The following MCHR1 variants were observed in gnomAD, a reference collection of about 807,000 sequenced individuals.
MCHR1 encodes the protein melanin-concentrating hormone receptor 1.
MCHR1 carries 13 observed loss-of-function variants against 20.4 expected under a neutral mutation model. That is an observed-to-expected ratio of 0.64 (90% CI 0.41 to 1.01). The LOEUF (loss-of-function observed/expected upper bound fraction) is 1.01, where lower values mean the gene tolerates loss of function less well. Ranked by LOEUF, MCHR1 falls within the 50% of genes least tolerant of loss-of-function variation. The pLI is 0.00. For missense variants in MCHR1, 472 were observed against 477.0 expected (o/e 0.99, Z 0.10); for synonymous variants, 215 against 204.4 (o/e 1.05, Z -0.44).
At position 40,681,623 on chromosome 22, in the gene MCHR1, A is replaced by T; in HGVS notation, c.757A>T (p.Arg253Trp). Residue 253 changes from arginine to tryptophan, a missense_variant, in exon 2 of 2, where the codon AGG becomes TGG. Coordinates refer to ENST00000249016, the MANE Select transcript of MCHR1 (RefSeq NM_005297.4). This position sits in a 1 kb window ranked among gnomAD's most constrained non-coding sequence, Gnocchi z 4.3. ...GCGCAGCATCCGGCTGCGGACAAAG[A>T]GGGTGACCCGCACAGCCATCGCCAT... ...SQRSIRLRTK[R>W]VTRTAIAICL... is the part of the protein sequence containing the mutation. The T allele has an allele frequency of 6.2e-7, 1 of 1,614,228 alleles. No homozygotes were observed. Among genetic ancestry groups the T allele is most frequent in the South Asian group, 1.1e-5 (1 of 91,092 alleles).
At chr22:40,679,929 G>A (rs998402373) in intron 1 of MCHR1, among the ~76,000 whole-genome samples, 195 bp downstream of exon 1, 14 of 152,076 alleles carry the variant, frequency 9.2e-5, no homozygotes, top group African/African-American at 2.4e-4. Flanking sequence ...AGCAGGGGGC[G>A]AAGGCATATT....
In MCHR1 at chr22:40,682,058, A is replaced by G. The variant is rs200309000; in HGVS notation, c.*130A>G. 1 of 1,194,724 alleles carries G rather than the reference A, an allele frequency of 8.4e-7. No individual in the cohort carries two copies. Among genetic ancestry groups the G allele is most frequent in the Non-Finnish European group, 1.2e-6 (1 of 839,628 alleles). The allele number at this position is 1,194,724 out of a possible 1,614,324, so 74.0% of individuals were successfully genotyped here. A position where few individuals can be genotyped will look rare whatever the true frequency, so the allele number is the denominator to read the frequency against. ...CGGGTTGTGAGGGGTTGTTGCAATGAAATAAATACATTCCATGGGGCTCAC... is the reference window on the plus strand; with the variant it reads ...CGGGTTGTGAGGGGTTGTTGCAATGGAATAAATACATTCCATGGGGCTCAC... On this transcript the variant is annotated 3_prime_UTR_variant, in exon 2 of 2. Transcript: ENST00000249016.
Position 40,682,628 on chromosome 22 carries a change from G to A in MCHR1, c.*700G>A, listed in dbSNP as rs1313106744. 1 of 154,922 alleles carries A rather than the reference G, an allele frequency of 6.5e-6. No individual in the cohort carries two copies. The highest frequency in any genetic ancestry group is 2.4e-5 in the African/African-American group (1 of 41,304). The allele number at this position is 154,922 out of a possible 1,614,324, so 9.6% of individuals were successfully genotyped here. On this transcript the variant is annotated 3_prime_UTR_variant, in exon 2 of 2. Transcript: ENST00000249016. Reference sequence around the variant, plus strand: ...TAAAACTAATAAAAGCTGGGGTCGGGGGGCTTTTGCAGCTCTGGTGACATT... The same window carrying A: ...TAAAACTAATAAAAGCTGGGGTCGGAGGGCTTTTGCAGCTCTGGTGACATT...
chr22:40,679,820 T>C, intron 1 of MCHR1, 86 bp downstream of exon 1: 2 of 1,425,208 alleles, frequency 1.4e-6, no homozygotes, highest in Non-Finnish European at 2.0e-6. Flanking sequence ...CTTGGGAAAC[T>C]TTATCACAGT....
intron 1 of MCHR1, among the ~76,000 whole-genome samples, chr22:40,680,425 G>T (rs1388836881): frequency 3.3e-5 from 5 of 152,158 alleles, no homozygotes; most frequent in African/African-American, 4.8e-5. Context: ...GAAGCCTGGG[G>T]TAGGGAGAGC....
rs965927607 is a variant in MCHR1 at position 40,682,465 on chromosome 22, C to T, written c.*537C>T. The T allele has an allele frequency of 4.0e-5, 7 of 175,876 alleles. No individual in the cohort carries two copies. The highest frequency in any genetic ancestry group is 1.7e-4 in the African/African-American group (7 of 42,220). The allele number at this position is 175,876 out of a possible 1,614,324, so 10.9% of individuals were successfully genotyped here. On this transcript the variant is annotated 3_prime_UTR_variant, in exon 2 of 2. Transcript: ENST00000249016. ...ATCTCTCGGCGTTCCAGCATCCTGT[C>T]AATTTCCCTTTTGCTCTAGAGGATG... is the stretch of plus-strand genomic sequence containing the variant.
rs979674247 is a variant in MCHR1, at chr22:40,681,226, G to C, written c.360G>C (p.Thr120=). 3.1e-6 allele frequency: 5 copies of C among 1,613,912 alleles called. No individual in the cohort carries two copies. The highest frequency in any genetic ancestry group is 4.2e-6 in the Non-Finnish European group (5 of 1,180,018). ...HFGETMCTLI[T]AMDANSQFTS... ...GGGAGACCATGTGCACCCTCATCACGGCCATGGATGCCAATAGTCAGTTCA... is the reference window on the plus strand; with the variant it reads ...GGGAGACCATGTGCACCCTCATCACCGCCATGGATGCCAATAGTCAGTTCA... Residue 120 remains threonine, a synonymous_variant, in exon 2 of 2, where the codon ACG becomes ACC. Transcript: ENST00000249016. This position sits in a 1 kb window ranked among gnomAD's most constrained non-coding sequence, Gnocchi z 4.3.
In MCHR1 at chr22:40,681,483, ACTGGTTCACC is replaced by A; in HGVS notation, c.621_630del (p.Trp207CysfsTer20). The A allele has an allele frequency of 6.2e-7, 1 of 1,612,746 alleles. No individual in the cohort carries two copies. Among genetic ancestry groups the A allele is most frequent in the South Asian group, 1.1e-5 (1 of 91,084 alleles). On this transcript the variant is annotated frameshift_variant, in exon 2 of 2. Coordinates refer to ENST00000249016, the MANE Select transcript of MCHR1 (RefSeq NM_005297.4). LOFTEE classifies it high-confidence loss of function. This position sits in a 1 kb window ranked among gnomAD's most constrained non-coding sequence, Gnocchi z 4.3. ...CTGCCCAACCCAGACACTGACCTCT[ACTGGTTCACC>A]CTGTACCAGTTTTTCCTGGCCTTTG...
Position 40,682,035 on chromosome 22 carries a change from G to A in MCHR1, c.*107G>A, listed in dbSNP as rs200201207. ...CCGCTCGGGAAATGCAGGAAGGCCGGGTTGTGAGGGGTTGTTGCAATGAAA... is the reference window on the plus strand; with the variant it reads ...CCGCTCGGGAAATGCAGGAAGGCCGAGTTGTGAGGGGTTGTTGCAATGAAA... On this transcript the variant is annotated 3_prime_UTR_variant, in exon 2 of 2. Transcript: ENST00000249016. 7 of 1,368,604 alleles carry A rather than the reference G, an allele frequency of 5.1e-6. No homozygotes were observed. Among genetic ancestry groups the A allele is most frequent in the Non-Finnish European group, 7.1e-6 (7 of 989,340 alleles). 84.8% of individuals were successfully genotyped at this position (1,368,604 alleles called of 1,614,324 possible).
chr22:40,680,460 G>A (rs1487373795), intron 1 of MCHR1, among the ~76,000 whole-genome samples: 2 of 151,986 alleles, frequency 1.3e-5, no homozygotes, highest in Admixed American at 6.6e-5. Flanking sequence ...GGGCACAGCC[G>A]GCAAAAGCCT....
rs766482190 is a variant in MCHR1, at chr22:40,681,548, TACGTG to T, written c.684_688del (p.Tyr228Ter). ...GCCTTTTGTGGTCATCACAGCCGCATACGTGAGGATCCTGCAGCGCATGACGTCCT... is the reference window on the plus strand; with the variant it reads ...GCCTTTTGTGGTCATCACAGCCGCATAGGATCCTGCAGCGCATGACGTCCT... On this transcript the variant is annotated frameshift_variant, in exon 2 of 2. Transcript: ENST00000249016. LOFTEE classifies it high-confidence loss of function. The surrounding 1 kb of genome is among the most constrained non-coding windows in gnomAD (Gnocchi z 4.3). The T allele has an allele frequency of 6.2e-7, 1 of 1,613,210 alleles. No homozygotes were observed. The highest frequency in any genetic ancestry group is 2.2e-5 in the East Asian group (1 of 44,888).
chr22:40,681,246 A>C lies in MCHR1; in HGVS notation c.380A>C (p.Gln127Pro). 1 of 1,614,118 alleles carries C rather than the reference A, an allele frequency of 6.2e-7. No homozygotes were observed. Among genetic ancestry groups the C allele is most frequent in the Non-Finnish European group, 8.5e-7 (1 of 1,180,042 alleles). ...ATCACGGCCATGGATGCCAATAGTC[A>C]GTTCACCAGCACCTACATCCTGACC... ...TLITAMDANS[Q>P]FTSTYILTAM... The change falls in exon 2 of 2, where the codon CAG becomes CCG. Residue 127 changes from glutamine (Q) to proline (P), a missense_variant. Physicochemically the swap from Gln to Pro is moderately conservative, Grantham distance 76. Transcript: ENST00000249016. This position sits in a 1 kb window ranked among gnomAD's most constrained non-coding sequence, Gnocchi z 4.3.
chr22:40,682,517 T>G lies in MCHR1; in HGVS notation c.*589T>G, dbSNP rs2147492506. ...ATGTTTATTTGAGGGGATGTGGCACTGAGCCCACAGGAGTAAAAGCCCAGT... is the reference window on the plus strand; with the variant it reads ...ATGTTTATTTGAGGGGATGTGGCACGGAGCCCACAGGAGTAAAAGCCCAGT... On this transcript the variant is annotated 3_prime_UTR_variant, in exon 2 of 2. Transcript: ENST00000249016. The G allele has an allele frequency of 6.2e-6, 1 of 161,936 alleles. No homozygotes were observed. Among genetic ancestry groups the G allele is most frequent in the East Asian group, 1.7e-4 (1 of 5,890 alleles). The allele number at this position is 161,936 out of a possible 1,614,324, so 10.0% of individuals were successfully genotyped here.
At position 40,681,931 on chromosome 22, in the gene MCHR1, C is replaced by T. The variant is rs201517100; in HGVS notation, c.*3C>T. The T allele has an allele frequency of 1.4e-4, 217 of 1,603,870 alleles. No homozygotes were observed. Among genetic ancestry groups the T allele is most frequent in the Non-Finnish European group, 1.7e-4 (203 of 1,180,000 alleles). Reference sequence around the variant, plus strand: ...GGACAGAAAGCAAAGGCACCTGATACTTCCCCTGCCACCCTGCACACCTCC... The same window carrying T: ...GGACAGAAAGCAAAGGCACCTGATATTTCCCCTGCCACCCTGCACACCTCC... On this transcript the variant is annotated 3_prime_UTR_variant, in exon 2 of 2. Transcript: ENST00000249016. The surrounding 1 kb of genome is among the most constrained non-coding windows in gnomAD (Gnocchi z 4.3).
chr22:40,681,779 T>C lies in MCHR1; in HGVS notation c.913T>C (p.Cys305Arg), dbSNP rs1260545487. The C allele has an allele frequency of 6.2e-7, 1 of 1,614,146 alleles. No individual in the cohort carries two copies. The highest frequency in any genetic ancestry group is 1.3e-5 in the African/African-American group (1 of 74,962). Residue 305 changes from cysteine (C) to arginine (R), a missense_variant, in exon 2 of 2, where the codon TGC (cysteine) becomes CGC (arginine). Transcript: ENST00000249016. The surrounding 1 kb of genome is among the most constrained non-coding windows in gnomAD (Gnocchi z 4.3). ...AAISLGYANS[C>R]LNPFVYIVLC... ...CATCAGCTTGGGCTATGCCAACAGC[T>C]GCCTCAACCCCTTTGTGTACATCGT...
chr22:40,680,947 A>C lies in MCHR1; in HGVS notation c.83-2A>C. ...GCCAACGCTTGCTCCTTCTGTCCCCAGGATCACCTCCTCGCACGGGGAGCA... is the reference window on the plus strand; with the variant it reads ...GCCAACGCTTGCTCCTTCTGTCCCCCGGATCACCTCCTCGCACGGGGAGCA... On this transcript the variant is annotated splice_acceptor_variant, in intron 1 of 1. Transcript: ENST00000249016. LOFTEE classifies it high-confidence loss of function. 1 of 1,613,904 alleles carries C rather than the reference A, an allele frequency of 6.2e-7. No homozygotes were observed. The highest frequency in any genetic ancestry group is 8.5e-7 in the Non-Finnish European group (1 of 1,180,024).
At chr22:40,680,036 A>C in intron 1 of MCHR1, 1 of 477,524 alleles carries the variant, frequency 2.1e-6, no homozygotes, top group African/African-American at 2.0e-5. Flanking sequence ...CAGGCTGGAA[A>C]AGCAAGCGAG....
chr22:40,679,964 G>C (rs1007246102), intron 1 of MCHR1: 4 of 603,264 alleles, frequency 6.6e-6, no homozygotes, highest in African/African-American at 1.8e-5. Context: ...AGGGGGGCCA[G>C]CCGTGAGACA....
In MCHR1 at chr22:40,681,661, C is replaced by G; in HGVS notation, c.795C>G (p.Phe265Leu). 6.2e-7 allele frequency: 1 copy of G among 1,614,268 alleles called. No individual in the cohort carries two copies. The highest frequency in any genetic ancestry group is 8.5e-7 in the Non-Finnish European group (1 of 1,180,044). Reference sequence around the variant, plus strand: ...CAGCCATCGCCATCTGTCTGGTCTTCTTTGTGTGCTGGGCACCCTACTATG... The same window carrying G: ...CAGCCATCGCCATCTGTCTGGTCTTGTTTGTGTGCTGGGCACCCTACTATG... Reference protein sequence around the residue: ...TRTAIAICLVFFVCWAPYYVL... With the variant: ...TRTAIAICLVLFVCWAPYYVL... The change falls in exon 2 of 2, where the codon TTC (phenylalanine) becomes TTG (leucine). Residue 265 changes from phenylalanine (F) to leucine (L), a missense_variant. Phe to Leu is a conservative substitution (Grantham distance 22, BLOSUM62 0). Transcript: ENST00000249016. This position sits in a 1 kb window ranked among gnomAD's most constrained non-coding sequence, Gnocchi z 4.3.
Sources: allele counts gnomAD v4.1 joint callset (sites outside exome capture counted in the v4.1 genomes callset), GRCh38; gene constraint gnomAD v4.1.1; non-coding constraint Gnocchi (gnomAD v3.1); transcripts MANE v1.5; gene names NCBI Gene and HGNC (gene_info 2026-07-23, HGNC 2026-07-21).